MCM6: variants seen among roughly 807,000 people sequenced by gnomAD.
MCM6 encodes the protein minichromosome maintenance complex component 6, also known as DNA replication licensing factor MCM6.
MCM6 carries 46 observed loss-of-function variants against 94.3 expected under a neutral mutation model. The ratio of observed to expected loss-of-function variants is 0.49; its 90% CI spans 0.39 to 0.62. The LOEUF is 0.62. Ranked by LOEUF, MCM6 falls within the 20% of genes least tolerant of loss-of-function variation. MCM6 has a pLI of 0.00. For synonymous variants in MCM6, 335 were observed against 351.9 expected (o/e 0.95, Z 0.54); for missense variants, 865 against 1,017.9 (o/e 0.85, Z 2.04).
At chr2:135,855,891 T>C (rs4988218) in intron 11 of MCM6, among the ~76,000 whole-genome samples, 3,710 of 152,254 alleles carry the variant, frequency 0.024, 157 homozygotes, top group South Asian at 0.16. Flanking sequence ...AATATTTAAG[T>C]ACACATAACT....
At position 135,876,276 on chromosome 2, in the gene MCM6, G is replaced by T. The variant is rs770552977; in HGVS notation, c.90C>A (p.Phe30Leu). The T allele has an allele frequency of 3.1e-6, 5 of 1,609,828 alleles. No individual in the cohort carries two copies. The Admixed American group carries it at 6.7e-5, about 22-fold the overall frequency. ...DEVAEKCQKL[F>L]LDFLEEFQSS... ...CGACTTACTCCTCCAAGAAGTCCAG[G>T]AACAGTTTCTGGCACTTCTCGGCCA... Residue 30 changes from phenylalanine (F) to leucine (L), a missense_variant, in exon 1 of 17, where the codon TTC becomes TTA. Phe to Leu is a conservative substitution (Grantham distance 22). Around this residue, in one of 3 missense-constraint regions of MCM6, gnomAD observed 404 missense variants for 451.9 expected, o/e 0.89. Coordinates refer to ENST00000264156, the MANE Select transcript of MCM6 (RefSeq NM_005915.6).
At position 135,851,688 on chromosome 2, in the gene MCM6, A is replaced by C. The variant is rs530103737; in HGVS notation, c.1756-125T>G. On this transcript the variant is annotated intron_variant, in intron 12 of 16. Transcript: ENST00000264156. The stretch of plus-strand genomic sequence containing the variant: ...ACCTGAGAGGGTTGAAACTTTGAGA[A>C]GCCAGTGACAATAAATTACTATTGT... The C allele has an allele frequency of 1.7e-4, 111 of 664,020 alleles. No homozygotes were observed. The African/African-American group carries it at 1.9e-3, about 12-fold the overall frequency. 41.1% of individuals were successfully genotyped at this position (664,020 alleles called of 1,614,324 possible). A position where few individuals can be genotyped will look rare whatever the true frequency, so the allele number is the denominator to read the frequency against.
In MCM6 at chr2:135,866,553, G is replaced by A. The variant is rs2289049; in HGVS notation, c.781+10C>T. 0.017 allele frequency: 26,794 copies of A among 1,601,986 alleles called. 2,172 individuals carry two copies. The African/African-American group carries it at 0.2, about 12-fold the overall frequency. ...GAGAATTTGTTAAATTTGAGCCACAGATTACTGACCTGGTGTGCTAAGCTT... is the reference window on the plus strand; with the variant it reads ...GAGAATTTGTTAAATTTGAGCCACAAATTACTGACCTGGTGTGCTAAGCTT... On this transcript the variant is annotated intron_variant, in intron 5 of 16. Transcript: ENST00000264156.
chr2:135,857,113 C>A (rs1051421461), intron 10 of MCM6, among the ~76,000 whole-genome samples: 5 of 152,214 alleles, frequency 3.3e-5, no homozygotes, highest in Middle Eastern at 6.8e-3. Flanking sequence ...AAGGATGTTG[C>A]GTTCAAGGAT....
chr2:135,868,952 G>T, intron 3 of MCM6, 92 bp from the exon 4 acceptor site: 1 of 1,273,550 alleles, frequency 7.9e-7, no homozygotes. Context: ...GATAATTTAT[G>T]TTTAAAAAAA....
rs758415681 is a variant in MCM6, at chr2:135,866,731, G to A, written c.616-3C>T. The A allele has an allele frequency of 1.3e-6, 2 of 1,592,590 alleles. No homozygotes were observed. Among genetic ancestry groups the A allele is most frequent in the Non-Finnish European group, 1.7e-6 (2 of 1,172,472 alleles). ...GCTTGGGTCTCTTGAATACGAACCT[G>A]TAATACAGACAAACAACCAACCAAG... On this transcript the variant is annotated splice_polypyrimidine_tract_variant and splice_region_variant and intron_variant, in intron 4 of 16. Coordinates refer to ENST00000264156, the MANE Select transcript of MCM6 (RefSeq NM_005915.6).
chr2:135,857,992 T>C lies in MCM6; in HGVS notation c.1375A>G (p.Ile459Val). 6.2e-7 allele frequency: 1 copy of C among 1,613,494 alleles called. No individual in the cohort carries two copies. Among genetic ancestry groups the C allele is most frequent in the Non-Finnish European group, 8.5e-7 (1 of 1,179,984 alleles). Residue 459 changes from isoleucine to valine, a missense_variant, in exon 10 of 17, where the codon ATT (isoleucine) becomes GTT (valine). Ile to Val is a conservative substitution (Grantham distance 29, BLOSUM62 3). Transcript: ENST00000264156. The stretch of plus-strand genomic sequence containing the variant: ...ACGTCCATCTTATCAAATTCATCAA[T>C]ACAACACACACCCTGTAACCAAACA... ...LMLADNGVCCIDEFDKMDVRD... is the reference protein window; with the variant it reads ...LMLADNGVCCVDEFDKMDVRD...
At chr2:135,847,573 G>A (rs1266489498) in intron 14 of MCM6, among the ~76,000 whole-genome samples, 1 of 151,658 alleles carries the variant, frequency 6.6e-6, no homozygotes, top group East Asian at 1.9e-4. Flanking sequence ...AAATATCTAT[G>A]TATTTTTTGA....
Position 135,866,782 on chromosome 2 carries a change from C to T in MCM6, c.616-54G>A. On this transcript the variant is annotated intron_variant, in intron 4 of 16. Coordinates refer to ENST00000264156, the MANE Select transcript of MCM6 (RefSeq NM_005915.6). Reference sequence around the variant, plus strand: ...AATGAGAAGCAATACCTTTCAGATGCCATATAATCTAAATTAAATACCACA... The same window carrying T: ...AATGAGAAGCAATACCTTTCAGATGTCATATAATCTAAATTAAATACCACA... 6 of 1,421,146 alleles carry T rather than the reference C, an allele frequency of 4.2e-6. No individual in the cohort carries two copies. In the South Asian group the frequency reaches 6.7e-5, roughly 16 times the overall value. 88.0% of individuals were successfully genotyped at this position (1,421,146 alleles called of 1,614,324 possible).
At chr2:135,852,959 C>G (rs747447851) in intron 11 of MCM6, 44 bp from the exon 12 acceptor site, 1 of 1,526,748 alleles carries the variant, frequency 6.5e-7, no homozygotes, top group South Asian at 1.3e-5. Flanking sequence ...ACAGCAATAT[C>G]TTCTCCAGAC....
At chr2:135,874,406 T>C (rs553217363) in intron 1 of MCM6, among the ~76,000 whole-genome samples, 9 of 152,350 alleles carry the variant, frequency 5.9e-5, no homozygotes, top group Non-Finnish European at 2.9e-5. Context: ...AGCTGGGCTT[T>C]GAAGGAGGAA....
At chr2:135,849,465 T>C (rs1679731064) in intron 13 of MCM6, among the ~76,000 whole-genome samples, 1 of 152,126 alleles carries the variant, frequency 6.6e-6, no homozygotes, top group African/African-American at 2.4e-5. Context: ...ATAGGAAAAA[T>C]CATAGATGTT....
chr2:135,846,456 T>C (rs968446391), intron 14 of MCM6, 64 bp from the exon 15 acceptor site: 26 of 1,282,630 alleles, frequency 2.0e-5, no homozygotes, highest in African/African-American at 2.9e-5. Flanking sequence ...TGTCAAGCAT[T>C]TACAAATACA....
intron 16 of MCM6, among the ~76,000 whole-genome samples, chr2:135,841,646 TA>T (rs1273890536): frequency 6.6e-6 from 1 of 152,178 alleles, no homozygotes; most frequent in East Asian, 1.9e-4. Flanking sequence ...GGACACTTTT[TA>T]AAAAATTGCC....
chr2:135,856,922 A>G, intron 10 of MCM6, 39 bp from the exon 11 acceptor site: 1 of 1,565,040 alleles, frequency 6.4e-7, no homozygotes, highest in Non-Finnish European at 8.7e-7. Context: ...ATTTAAATAG[A>G]CATCAGCCAA....
intron 7 of MCM6, 92 bp from the exon 8 acceptor site, chr2:135,862,840 C>T (rs4988190): frequency 1.4e-4 from 191 of 1,370,262 alleles, no homozygotes; most frequent in African/African-American, 1.4e-3. Flanking sequence ...GTTTACCAAC[C>T]GAAAGGCAGA....
At position 135,866,283 on chromosome 2, in the gene MCM6, A is replaced by G; in HGVS notation, c.782-6T>C. ...ATTAGTTTCTGCACGTGCTCCTGAA[A>G]CAGAATGATAGGTTGTTTCACAACT... On this transcript the variant is annotated splice_polypyrimidine_tract_variant and splice_region_variant and intron_variant, in intron 5 of 16. Transcript: ENST00000264156. 1 of 1,613,922 alleles carries G rather than the reference A, an allele frequency of 6.2e-7. No homozygotes were observed. The highest frequency in any genetic ancestry group is 1.1e-5 in the South Asian group (1 of 91,042).
At chr2:135,854,858 C>T (rs2105579992) in intron 11 of MCM6, among the ~76,000 whole-genome samples, 1 of 150,984 alleles carries the variant, frequency 6.6e-6, no homozygotes. Context: ...GGGACCCTGT[C>T]TCAAAAACAA....
rs1176364984 is a variant in MCM6, at chr2:135,862,679, C to T, written c.1148G>A (p.Gly383Glu). ...ATTTATGTCCCCTCGAAGAGAGGTC[C>T]CTTCTCCTGTTGTCTTTGGAACGCC... Reference protein sequence around the residue: ...FGGVPKTTGEGTSLRGDINVC... With the variant: ...FGGVPKTTGEETSLRGDINVC... The change falls in exon 8 of 17, where the codon GGG becomes GAG. Residue 383 changes from glycine (G) to glutamate (E), a missense_variant. Around this residue, in one of 3 missense-constraint regions of MCM6, gnomAD observed 153 missense variants for 241.5 expected, o/e 0.63. Transcript: ENST00000264156. 6.2e-7 allele frequency: 1 copy of T among 1,614,128 alleles called. No homozygotes were observed. The highest frequency in any genetic ancestry group is 1.7e-5 in the Admixed American group (1 of 60,022).
Sources: gnomAD v4.1 joint callset for allele counts (sites outside exome capture counted in the v4.1 genomes callset) on GRCh38, gnomAD v4.1.1 for gene constraint, gnomAD v4.1.1 regional missense constraint, MANE v1.5 for transcripts, NCBI Gene and HGNC (gene_info 2026-07-23, HGNC 2026-07-21) for gene names.